WWOX: variants seen among roughly 807,000 people sequenced by gnomAD.
WWOX encodes the protein WW domain containing oxidoreductase.
Under a neutral mutation model 46.2 loss-of-function variants are expected in WWOX, and 69 were observed. The observed-to-expected ratio is 1.49, with a 90% CI of 1.23 to 1.82. The LOEUF is 1.82. Among genes scored for constraint, WWOX ranks in the 40% most tolerant of loss-of-function variants. WWOX has a pLI of 0.00. For synonymous variants in WWOX, 359 were observed against 202.6 expected (o/e 1.77, Z -6.56); for missense variants, 919 against 542.6 (o/e 1.69, Z -6.89).
intron 7 of WWOX, among the ~76,000 whole-genome samples, chr16:78,430,915 A>C (rs542130189): frequency 6.6e-6 from 1 of 152,336 alleles, no homozygotes; most frequent in East Asian, 1.9e-4. Flanking sequence ...ATATTAAGGA[A>C]TAATAGGATA....
intron 8 of WWOX, among the ~76,000 whole-genome samples, chr16:78,791,631 A>G (rs555127684): frequency 4.6e-5 from 7 of 152,246 alleles, no homozygotes; most frequent in Admixed American, 2.6e-4. Context: ...TAATCCCAGC[A>G]CTTTGGGATA....
chr16:78,859,848 T>A (rs63354362), intron 8 of WWOX, among the ~76,000 whole-genome samples: 3 of 144,764 alleles, frequency 2.1e-5, no homozygotes, highest in East Asian at 4.0e-4. Context: ...ATTTTTTTTT[T>A]AAAGACATTA....
intron 5 of WWOX, among the ~76,000 whole-genome samples, chr16:78,184,145 C>T (rs1296296922): frequency 6.6e-6 from 1 of 152,176 alleles, no homozygotes; most frequent in African/African-American, 2.4e-5. Context: ...GCAGCCGCAG[C>T]CACTTAACAT....
At chr16:78,651,554 A>T (rs746755911) in intron 8 of WWOX, among the ~76,000 whole-genome samples, 15 of 152,184 alleles carry the variant, frequency 9.9e-5, no homozygotes, top group Admixed American at 1.3e-4. Flanking sequence ...GTCTAGGGCT[A>T]AACTCTTGCC....
intron 5 of WWOX, among the ~76,000 whole-genome samples, chr16:78,233,524 ATTTTTTTTTTT>A (rs36007148): frequency 2.4e-4 from 30 of 125,974 alleles, no homozygotes; most frequent in African/African-American, 8.2e-4. Context: ...TGATGATTAA[ATTTTTTTTTTT>A]TTTTTTTTTG....
At chr16:78,954,604 A>T (rs1018115723) in intron 8 of WWOX, among the ~76,000 whole-genome samples, 1 of 152,216 alleles carries the variant, frequency 6.6e-6, no homozygotes, top group Admixed American at 6.5e-5. Flanking sequence ...GGAAACAGAC[A>T]CATAAATAAG....
intron 8 of WWOX, among the ~76,000 whole-genome samples, chr16:78,750,606 C>G (rs1436682153): frequency 6.6e-6 from 1 of 151,972 alleles, no homozygotes; most frequent in Non-Finnish European, 1.5e-5. Context: ...AAACATAGTA[C>G]TCAATAGGTA....
intron 8 of WWOX, among the ~76,000 whole-genome samples, chr16:78,850,380 T>G (rs1472867311): frequency 6.6e-6 from 1 of 152,148 alleles, no homozygotes; most frequent in Non-Finnish European, 1.5e-5. Context: ...ATAGCACAAG[T>G]GTCTTCCCCT....
intron 5 of WWOX, among the ~76,000 whole-genome samples, chr16:78,345,495 T>A (rs1291773138): frequency 1.1e-3 from 48 of 43,950 alleles, no homozygotes; most frequent in African/African-American, 1.7e-3. Context: ...AAAAAAAAAA[T>A]TTTAGTCGGG....
intron 8 of WWOX, among the ~76,000 whole-genome samples, chr16:78,740,007 C>G (rs981853620): frequency 1.3e-5 from 2 of 152,102 alleles, no homozygotes; most frequent in Admixed American, 1.3e-4. Flanking sequence ...AGGAGTCGAG[C>G]CCTGTGGTGT....
Position 78,949,298 on chromosome 16 carries a change from G to A in WWOX, c.1057-262310G>A, listed in dbSNP as rs544042635. On this transcript the variant is annotated intron_variant, in intron 8 of 8. Transcript: ENST00000566780. ...TCCAACCCACAGCAACTGTGCCGTC[G>A]TGACTAGATACGTTTTTTTAAGGGG... is the stretch of plus-strand genomic sequence containing the variant. Among the ~76,000 whole-genome samples the A allele has an allele frequency of 4.6e-5, 7 of 152,198 alleles. No homozygotes were observed. In the South Asian group the frequency reaches 8.3e-4, roughly 18 times the overall value.
intron 8 of WWOX, among the ~76,000 whole-genome samples, chr16:78,735,268 T>C (rs2049060825): frequency 6.6e-6 from 1 of 152,098 alleles, no homozygotes. Flanking sequence ...TCAGTTCTCC[T>C]GGCTCTCCAC....
intron 8 of WWOX, among the ~76,000 whole-genome samples, chr16:78,642,566 C>A (rs2046745413): frequency 6.6e-6 from 1 of 152,122 alleles, no homozygotes; most frequent in South Asian, 2.1e-4. Flanking sequence ...CCAGGAGCCA[C>A]TTGTTGGATG....
chr16:78,564,116 T>C (rs996580512), intron 8 of WWOX, among the ~76,000 whole-genome samples: 1 of 152,224 alleles, frequency 6.6e-6, no homozygotes, highest in African/African-American at 2.4e-5. Context: ...ACTGCCTTGC[T>C]GACAGCAGAC....
Position 78,728,303 on chromosome 16 carries a change from C to T in WWOX, c.1056+295551C>T, listed in dbSNP as rs535562418. Among the ~76,000 whole-genome samples the T allele has an allele frequency of 4.6e-5, 7 of 152,084 alleles. No homozygotes were observed. In the South Asian group the frequency reaches 1.5e-3, roughly 32 times the overall value. On this transcript the variant is annotated intron_variant, in intron 8 of 8. Transcript: ENST00000566780. ...TGGTCTCAAACTGAACTCCTGAGCT[C>T]AAGCGATTCTCCCGCCTTGGCCTCC...
intron 8 of WWOX, among the ~76,000 whole-genome samples, chr16:78,683,224 CAAG>C (rs1455684212): frequency 2.0e-5 from 3 of 151,764 alleles, no homozygotes; most frequent in African/African-American, 7.3e-5. Context: ...AAAATAGAGA[CAAG>C]GAGGTGGGCG....
At chr16:78,837,456 G>A (rs1163540776) in intron 8 of WWOX, among the ~76,000 whole-genome samples, 2 of 152,170 alleles carry the variant, frequency 1.3e-5, no homozygotes, top group Non-Finnish European at 2.9e-5. Context: ...GTCAAAAATG[G>A]ACAAATATGG....
chr16:78,727,318 C>A (rs559362286), intron 8 of WWOX, among the ~76,000 whole-genome samples: 1 of 152,134 alleles, frequency 6.6e-6, no homozygotes, highest in Non-Finnish European at 1.5e-5. Context: ...AGAATCACTT[C>A]AACCCGGAAG....
intron 8 of WWOX, among the ~76,000 whole-genome samples, chr16:78,999,807 C>T (rs934434789): frequency 3.4e-4 from 51 of 152,204 alleles, no homozygotes; most frequent in African/African-American, 1.2e-3. Context: ...CAGACTTCAC[C>T]ACTACGCCAT....
Sources: gnomAD v4.1 joint callset for allele counts (sites outside exome capture counted in the v4.1 genomes callset) on GRCh38, gnomAD v4.1.1 for gene constraint, MANE v1.5 for transcripts, NCBI Gene and HGNC (gene_info 2026-07-23, HGNC 2026-07-21) for gene names.